The following TEAD4 variants were observed in gnomAD, a reference collection of about 807,000 sequenced individuals.
TEAD4 encodes the protein TEA domain transcription factor 4, also known as transcriptional enhancer factor TEF-3.
In TEAD4, 36 loss-of-function variants were observed where a neutral mutation model predicts 52.4. The observed-to-expected ratio is 0.69, with a 90% CI of 0.53 to 0.91. TEAD4 has a LOEUF of 0.91. TEAD4 is among the 40% of genes least tolerant of loss of function. The probability of loss-of-function intolerance (pLI) is 0.00; values close to 1 mark genes in which losing one functional copy is unlikely to be tolerated. For synonymous variants in TEAD4, 220 were observed against 231.0 expected (o/e 0.95, Z 0.43); for missense variants, 508 against 583.9 (o/e 0.87, Z 1.34).
intron 10 of TEAD4, among the ~76,000 whole-genome samples, chr12:3,032,991 G>GT (rs1363925023): frequency 1.3e-5 from 2 of 152,222 alleles, no homozygotes; most frequent in Non-Finnish European, 2.9e-5. Flanking sequence ...ATCAGCTGGT[G>GT]TGAACTTGGC....
intron 3 of TEAD4, among the ~76,000 whole-genome samples, chr12:3,006,092 A>G (rs1475767052): frequency 6.6e-6 from 1 of 152,212 alleles, no homozygotes; most frequent in Non-Finnish European, 1.5e-5. Context: ...TAATTATTTG[A>G]TTCAATCATT....
At chr12:3,020,496 TA>T (rs1330969196) in intron 8 of TEAD4, 137 bp from the exon 9 acceptor site, 9 of 1,105,544 alleles carry the variant, frequency 8.1e-6, no homozygotes, top group Non-Finnish European at 1.1e-5. Context: ...CCACCTCTGC[TA>T]GGAGGTCCAT....
chr12:3,019,173 G>A lies in TEAD4; in HGVS notation c.583+3G>A. On this transcript the variant is annotated splice_donor_region_variant and intron_variant, in intron 8 of 12. Coordinates refer to ENST00000359864, the MANE Select transcript of TEAD4 (RefSeq NM_003213.4). The stretch of plus-strand genomic sequence containing the variant: ...CCAGCCTCCGCTGCCTCTGCCAGGT[G>A]GGTGGGCGCTGCGTGGCCCCCTTTC... The A allele has an allele frequency of 6.2e-7, 1 of 1,613,796 alleles. No individual in the cohort carries two copies.
At chr12:2,960,145 C>T (rs7136493) in intron 2 of TEAD4, 105 bp downstream of exon 2, 2,201 of 202,454 alleles carry the variant, frequency 0.011, 53 homozygotes, top group African/African-American at 0.049. Flanking sequence ...GAGCGAGGCA[C>T]GTGGAGGCGG....
chr12:3,025,524 CTT>C (rs796603026), intron 10 of TEAD4, among the ~76,000 whole-genome samples: 5 of 145,974 alleles, frequency 3.4e-5, no homozygotes, highest in African/African-American at 9.9e-5. Context: ...AAAATGATGA[CTT>C]TTTTTTTTTT....
chr12:3,019,319 C>T (rs2098266961), intron 8 of TEAD4, 149 bp downstream of exon 8: 2 of 901,734 alleles, frequency 2.2e-6, no homozygotes, highest in South Asian at 1.5e-5. Flanking sequence ...CCTGGCCACA[C>T]CCCATTCCTT....
intron 5 of TEAD4, among the ~76,000 whole-genome samples, chr12:3,015,564 G>C (rs562091947): frequency 6.6e-6 from 1 of 152,252 alleles, no homozygotes; most frequent in East Asian, 1.9e-4. Context: ...CCAGGCCGCG[G>C]TGCTGCCCAC....
intron 3 of TEAD4, among the ~76,000 whole-genome samples, chr12:3,003,939 T>G (rs2098253742): frequency 6.6e-6 from 1 of 152,184 alleles, no homozygotes; most frequent in Admixed American, 6.5e-5. Flanking sequence ...GCTGGGTGCT[T>G]TACAAGTTTC....
chr12:3,029,430 G>C lies in TEAD4; in HGVS notation c.897+7413G>C, dbSNP rs567101937. Among the ~76,000 whole-genome samples the C allele has an allele frequency of 2.0e-5, 3 of 152,126 alleles. No individual in the cohort carries two copies. In the South Asian group the frequency reaches 6.2e-4, roughly 32 times the overall value. ...TTTTTTTGTATTTTTAGTAGAGACG[G>C]GGTTTCACTGTGTTAGCCAGGATGG... On this transcript the variant is annotated intron_variant, in intron 10 of 12. Transcript: ENST00000359864.
Position 3,011,299 on chromosome 12 carries a change from C to T in TEAD4, c.291+231C>T, listed in dbSNP as rs530417426. 2.5e-4 allele frequency among the ~76,000 whole-genome samples: 38 copies of T among 152,130 alleles called. 1 individual carries two copies. The highest frequency in any genetic ancestry group is 8.7e-4 in the African/African-American group (36 of 41,494). ...AGACTGGAGTACAATGACGTGATCT[C>T]GGCTCACCGCAACCTTCTCCTCCTG... is the stretch of plus-strand genomic sequence containing the variant. On this transcript the variant is annotated intron_variant, in intron 4 of 12. Coordinates refer to ENST00000359864, the MANE Select transcript of TEAD4 (RefSeq NM_003213.4).
chr12:3,001,808 G>A (rs1019058988), intron 3 of TEAD4, among the ~76,000 whole-genome samples: 6 of 149,556 alleles, frequency 4.0e-5, no homozygotes, highest in Non-Finnish European at 7.4e-5. Flanking sequence ...CAGGCCAGGC[G>A]TGATGGCTCA....
intron 2 of TEAD4, among the ~76,000 whole-genome samples, chr12:2,979,986 C>G (rs2098232847): frequency 6.6e-6 from 1 of 152,156 alleles, no homozygotes; most frequent in African/African-American, 2.4e-5. Context: ...GCCTGTTCCT[C>G]TCCTCCCTGG....
At position 2,963,629 on chromosome 12, in the gene TEAD4, G is replaced by A. The variant is rs531624500; in HGVS notation, c.-30+3589G>A. 4.6e-5 allele frequency among the ~76,000 whole-genome samples: 7 copies of A among 152,302 alleles called. No homozygotes were observed. In the East Asian group the frequency reaches 5.8e-4, roughly 13 times the overall value. ...CTTCTAATTCCACTTTTGCCTGGAC[G>A]CTTTCTGAGATGACGGTTCTTCCCT... On this transcript the variant is annotated intron_variant, in intron 2 of 12. Coordinates refer to ENST00000359864, the MANE Select transcript of TEAD4 (RefSeq NM_003213.4).
chr12:3,034,463 T>C (rs1261674611), intron 10 of TEAD4, among the ~76,000 whole-genome samples: 3 of 152,114 alleles, frequency 2.0e-5, no homozygotes, highest in Non-Finnish European at 4.4e-5. Flanking sequence ...CAAGGACATC[T>C]GGACAGATTA....
chr12:3,038,906 C>T (rs1369092156), intron 11 of TEAD4, among the ~76,000 whole-genome samples: 2 of 152,234 alleles, frequency 1.3e-5, no homozygotes, highest in South Asian at 2.1e-4. Context: ...CAACCCAAAG[C>T]ACCTGTGGAC....
intron 2 of TEAD4, among the ~76,000 whole-genome samples, chr12:2,967,535 C>G (rs1160718966): frequency 7.2e-5 from 11 of 152,118 alleles, no homozygotes; most frequent in Non-Finnish European, 1.3e-4. Context: ...TGTAATAGGT[C>G]TAAGTGTAAC....
At chr12:2,995,224 T>A (rs11062446) in intron 3 of TEAD4, among the ~76,000 whole-genome samples, 90,309 of 151,720 alleles carry the variant, frequency 0.6, 31,837 homozygotes, top group East Asian at 0.79. Flanking sequence ...GGAGTGGGAA[T>A]CTTGGAAAAG....
chr12:2,983,896 G>A (rs867694552), intron 2 of TEAD4, among the ~76,000 whole-genome samples: 53 of 152,366 alleles, frequency 3.5e-4, no homozygotes, highest in African/African-American at 8.9e-4. Context: ...TGTCTAAAGT[G>A]TGGTGGAGAC....
At position 3,017,413 on chromosome 12, in the gene TEAD4, G is replaced by A. The variant is rs770424147; in HGVS notation, c.370G>A (p.Asp124Asn). ...TCTCCCCCAGGACCAGGCAGCTAAGGACAAGGCCCTGCAGAGCATGGCTGC... is the reference window on the plus strand; with the variant it reads ...TCTCCCCCAGGACCAGGCAGCTAAGAACAAGGCCCTGCAGAGCATGGCTGC... The change falls in exon 6 of 13, where the codon GAC (aspartate) becomes AAC (asparagine). Residue 124 changes from aspartate (D) to asparagine (N), a missense_variant. By Grantham distance (23) the Asp-to-Asn change is conservative (BLOSUM62 1). Transcript: ENST00000359864. The A allele has an allele frequency of 6.2e-7, 1 of 1,614,126 alleles. No individual in the cohort carries two copies. The highest frequency in any genetic ancestry group is 2.2e-5 in the East Asian group (1 of 44,872).
Sources: allele counts gnomAD v4.1 joint callset (sites outside exome capture counted in the v4.1 genomes callset), GRCh38; gene constraint gnomAD v4.1.1; transcripts MANE v1.5; gene names NCBI Gene and HGNC (gene_info 2026-07-23, HGNC 2026-07-21).